CSMD3: variants seen among roughly 807,000 people sequenced by gnomAD.
CSMD3 encodes the protein CUB and Sushi multiple domains 3.
A neutral mutation model predicts 435.2 loss-of-function variants in CSMD3; 177 were observed. The ratio of observed to expected loss-of-function variants is 0.41; its 90% CI spans 0.36 to 0.46. CSMD3 has a LOEUF of 0.46. Among genes scored for constraint, CSMD3 ranks in the 20% least tolerant of loss-of-function variants. CSMD3 has a pLI of 0.34. For synonymous variants in CSMD3, 1,656 were observed against 1,520.5 expected (o/e 1.09, Z -2.07); for missense variants, 4,265 against 4,504.6 (o/e 0.95, Z 1.52).
At chr8:112,893,344 C>G (rs1194021690) in intron 10 of CSMD3, among the ~76,000 whole-genome samples, 2 of 151,444 alleles carry the variant, frequency 1.3e-5, no homozygotes, top group Non-Finnish European at 3.0e-5. Context: ...ATTGGAATTA[C>G]CTGGTAAACC....
intron 6 of CSMD3, among the ~76,000 whole-genome samples, chr8:113,002,537 C>A (rs2085902955): frequency 6.6e-6 from 1 of 152,058 alleles, no homozygotes; most frequent in South Asian, 2.1e-4. Context: ...ATCACTTGGA[C>A]TTAAATGTCT....
chr8:112,540,769 G>C (rs561576484), intron 27 of CSMD3, among the ~76,000 whole-genome samples: 1 of 152,032 alleles, frequency 6.6e-6, no homozygotes, highest in Non-Finnish European at 1.5e-5. Flanking sequence ...GTAGTTACTA[G>C]ATACTGGGAA....
intron 6 of CSMD3, among the ~76,000 whole-genome samples, chr8:112,992,868 G>C (rs2085507670): frequency 6.6e-6 from 1 of 151,230 alleles, no homozygotes; most frequent in South Asian, 2.1e-4. Flanking sequence ...GTGGTAGTTT[G>C]CTGCTATAAG....
intron 4 of CSMD3, among the ~76,000 whole-genome samples, chr8:113,127,150 C>T (rs72685855): frequency 0.067 from 10,116 of 152,034 alleles, 454 homozygotes; most frequent in Non-Finnish European, 0.095. Flanking sequence ...TCTCCTTTGA[C>T]TGGCAGAGTG....
intron 23 of CSMD3, among the ~76,000 whole-genome samples, chr8:112,574,961 T>A (rs534251753): frequency 8.9e-4 from 135 of 152,004 alleles, no homozygotes; most frequent in Non-Finnish European, 1.6e-3. Context: ...TACATTGATG[T>A]CACCTAAGAG....
In CSMD3 at chr8:112,255,316, C is replaced by T. The variant is rs1036367099; in HGVS notation, c.9974G>A (p.Gly3325Glu). The change falls in exon 62 of 71, where the codon GGA (glycine) becomes GAA (glutamate). Residue 3325 changes from glycine (G) to glutamate (E), a missense_variant. Physicochemically the swap from Gly to Glu is moderately conservative, Grantham distance 98. Transcript: ENST00000297405. The part of the protein sequence containing the change: ...FSCNFPFILV[G>E]SSTRICQADG... ...TGCTTGACATATTCTGGTGCTTGAT[C>T]CCACTAATATGAAAGGAAAATTGCA... The T allele has an allele frequency of 6.2e-7, 1 of 1,613,374 alleles. No individual in the cohort carries two copies. The highest frequency in any genetic ancestry group is 8.5e-7 in the Non-Finnish European group (1 of 1,179,680).
intron 27 of CSMD3, among the ~76,000 whole-genome samples, chr8:112,537,726 A>G (rs953066079): frequency 1.3e-5 from 2 of 151,774 alleles, no homozygotes; most frequent in Non-Finnish European, 2.9e-5. Flanking sequence ...AGTTCAAAGT[A>G]GTAAAAAAAA....
At chr8:113,415,790 A>G (rs1422422171) in intron 1 of CSMD3, among the ~76,000 whole-genome samples, 1 of 152,114 alleles carries the variant, frequency 6.6e-6, no homozygotes, top group Admixed American at 6.6e-5. Context: ...TTCTCTATGA[A>G]CAAATTTTCT....
intron 19 of CSMD3, among the ~76,000 whole-genome samples, chr8:112,648,483 G>A (rs1460391123): frequency 6.6e-6 from 1 of 152,122 alleles, no homozygotes; most frequent in Non-Finnish European, 1.5e-5. Flanking sequence ...TCACTGAAAA[G>A]GATGGATTTC....
intron 17 of CSMD3, among the ~76,000 whole-genome samples, chr8:112,665,858 A>G (rs2075509524): frequency 6.6e-6 from 1 of 152,136 alleles, no homozygotes; most frequent in African/African-American, 2.4e-5. Context: ...ACAAGGACTT[A>G]TAGGTGAAAG....
intron 32 of CSMD3, among the ~76,000 whole-genome samples, chr8:112,418,870 G>A (rs905715511): frequency 6.6e-6 from 1 of 152,144 alleles, no homozygotes. Flanking sequence ...CACACCCAAT[G>A]TCATGTGACG....
intron 10 of CSMD3, among the ~76,000 whole-genome samples, chr8:112,872,672 G>A (rs1281059470): frequency 6.6e-6 from 1 of 151,788 alleles, no homozygotes; most frequent in Non-Finnish European, 1.5e-5. Flanking sequence ...CATCCCATTA[G>A]TATTAAGGAT....
At chr8:112,648,742 T>C (rs955304451) in intron 19 of CSMD3, among the ~76,000 whole-genome samples, 3 of 152,194 alleles carry the variant, frequency 2.0e-5, no homozygotes, top group East Asian at 1.9e-4. Context: ...CTGGTTCTTA[T>C]AATATTGCCT....
At chr8:112,831,487 A>C (rs574969627) in intron 11 of CSMD3, among the ~76,000 whole-genome samples, 1 of 152,074 alleles carries the variant, frequency 6.6e-6, no homozygotes, top group South Asian at 2.1e-4. Flanking sequence ...AAATTGTTTT[A>C]CCAATTCAAA....
chr8:113,232,686 T>C (rs184992709), intron 3 of CSMD3, among the ~76,000 whole-genome samples: 4 of 151,946 alleles, frequency 2.6e-5, no homozygotes, highest in South Asian at 4.1e-4. Context: ...CAGTATGTTG[T>C]AGAATAACTT....
chr8:113,431,361 T>C (rs1194280335), intron 1 of CSMD3, among the ~76,000 whole-genome samples: 2 of 152,202 alleles, frequency 1.3e-5, no homozygotes, highest in Non-Finnish European at 2.9e-5. Context: ...AACTAAAGTG[T>C]TCTTAGATTT....
chr8:113,029,161 C>CA (rs2086987271), intron 5 of CSMD3, among the ~76,000 whole-genome samples: 1 of 151,386 alleles, frequency 6.6e-6, no homozygotes, highest in Non-Finnish European at 1.5e-5. Context: ...AAAAATAGTC[C>CA]AGGACCATAT....
rs148310857 is a variant in CSMD3 at position 113,431,466 on chromosome 8, A to G, written c.178+5211T>C. ...TGGAATTCAAAGTACAAGATGGCGT[A>G]TTTTCTCAAAAGGTCATGTTGCCTA... is the stretch of plus-strand genomic sequence containing the variant. On this transcript the variant is annotated intron_variant, in intron 1 of 70. Coordinates refer to ENST00000297405, the MANE Select transcript of CSMD3 (RefSeq NM_198123.2). Among the ~76,000 whole-genome samples the G allele has an allele frequency of 3.2e-4, 48 of 152,260 alleles. 1 individual carries two copies. The East Asian group carries it at 8.9e-3, about 28-fold the overall frequency.
intron 30 of CSMD3, among the ~76,000 whole-genome samples, chr8:112,492,927 A>G (rs1181737932): frequency 1.3e-5 from 2 of 152,058 alleles, no homozygotes; most frequent in Non-Finnish European, 2.9e-5. Context: ...GATTTAATGT[A>G]TGTGGGAGGA....
Sources: gnomAD v4.1 joint callset for allele counts (sites outside exome capture counted in the v4.1 genomes callset) on GRCh38, gnomAD v4.1.1 for gene constraint, MANE v1.5 for transcripts, NCBI Gene and HGNC (gene_info 2026-07-23, HGNC 2026-07-21) for gene names.